Variants in MORC1 observed in about 807,000 individuals in gnomAD.
The protein encoded by MORC1 is MORC family CW-type zinc finger 1, also known as MORC family CW-type zinc finger protein 1.
MORC1 carries 59 observed loss-of-function variants against 134.9 expected under a neutral mutation model. The ratio of observed to expected loss-of-function variants is 0.44; its 90% CI spans 0.35 to 0.54. The LOEUF (loss-of-function observed/expected upper bound fraction) is 0.54, where lower values mean the gene tolerates loss of function less well. MORC1 is among the 20% of genes least tolerant of loss of function. The probability of loss-of-function intolerance (pLI) is 0.00; values close to 1 mark genes in which losing one functional copy is unlikely to be tolerated. For missense variants in MORC1, 947 were observed against 1,134.5 expected, an observed-to-expected ratio of 0.83 and a Z score of 2.37; for synonymous variants, 395 against 391.7, an observed-to-expected ratio of 1.01 and a Z score of -0.10.
In MORC1 at chr3:109,037,159, G is replaced by A. The variant is rs577958289; in HGVS notation, c.1331-1691C>T. Among the ~76,000 whole-genome samples, 4 of 152,264 alleles carry A rather than the reference G, an allele frequency of 2.6e-5. No homozygotes were observed. The East Asian group carries it at 7.7e-4, about 29-fold the overall frequency. On this transcript the variant is annotated intron_variant, in intron 14 of 27. Coordinates refer to ENST00000232603, the MANE Select transcript of MORC1 (RefSeq NM_014429.4). ...TAAGTCCTGGGTCTGGGGGTTAATGGCACAGGGATCCACCATTCTTATCTC... is the reference window on the plus strand; with the variant it reads ...TAAGTCCTGGGTCTGGGGGTTAATGACACAGGGATCCACCATTCTTATCTC...
chr3:108,970,187 C>T (rs6774500), intron 25 of MORC1, among the ~76,000 whole-genome samples: 5,513 of 151,480 alleles, frequency 0.036, 201 homozygotes, highest in Middle Eastern at 0.12. Flanking sequence ...AGAAAGTGGC[C>T]CAGGAATGAG....
intron 14 of MORC1, among the ~76,000 whole-genome samples, chr3:109,052,340 A>G (rs1053556582): frequency 4.6e-5 from 7 of 152,208 alleles, no homozygotes; most frequent in African/African-American, 1.7e-4. Context: ...TCTTCAGAGC[A>G]GTGCTTCTCA....
intron 8 of MORC1, among the ~76,000 whole-genome samples, chr3:109,089,252 G>C (rs1449202487): frequency 6.6e-6 from 1 of 152,112 alleles, no homozygotes; most frequent in Non-Finnish European, 1.5e-5. Context: ...ATCCAATTCA[G>C]TGGCATATCT....
intron 6 of MORC1, among the ~76,000 whole-genome samples, chr3:109,097,087 G>A (rs535840420): frequency 6.6e-6 from 1 of 152,132 alleles, no homozygotes; most frequent in Non-Finnish European, 1.5e-5. Flanking sequence ...CAAGTGACCA[G>A]CACAATGGGT....
At chr3:109,087,868 CA>C (rs1336840182) in intron 8 of MORC1, among the ~76,000 whole-genome samples, 4 of 151,906 alleles carry the variant, frequency 2.6e-5, no homozygotes, top group Non-Finnish European at 5.9e-5. Context: ...GGTACTGGTA[CA>C]AAAACAGACA....
rs1947658836 is a variant in MORC1 at position 108,979,659 on chromosome 3, T to C, written c.2333A>G (p.Asn778Ser). 3.1e-6 allele frequency: 5 copies of C among 1,613,528 alleles called. No individual in the cohort carries two copies. The highest frequency in any genetic ancestry group is 1.7e-5 in the Admixed American group (1 of 59,944). ...TAGATTCACATCTTCCATCGGCACA[T>C]TGAGCAAGCTGAGGTTTGTCATTTC... ...SSLPSWKSLL[N>S]VPMEDVNLSS... Residue 778 changes from asparagine to serine, a missense_variant, in exon 24 of 28, where the codon AAT becomes AGT. Coordinates refer to ENST00000232603, the MANE Select transcript of MORC1 (RefSeq NM_014429.4).
intron 14 of MORC1, among the ~76,000 whole-genome samples, chr3:109,053,125 T>C (rs1471139091): frequency 2.1e-5 from 3 of 141,440 alleles, no homozygotes; most frequent in African/African-American, 2.6e-5. Flanking sequence ...AAAAAAAAAA[T>C]GTTGGTCAGG....
At chr3:109,009,051 T>C (rs185246585) in intron 17 of MORC1, among the ~76,000 whole-genome samples, 1 of 152,294 alleles carries the variant, frequency 6.6e-6, no homozygotes, top group Admixed American at 6.5e-5. Context: ...TTTAGGCTTT[T>C]TGCTTTAATT....
intron 8 of MORC1, among the ~76,000 whole-genome samples, chr3:109,075,452 C>T (rs1342942152): frequency 2.0e-5 from 3 of 152,122 alleles, no homozygotes; most frequent in East Asian, 3.9e-4. Flanking sequence ...ATGTTTAAGT[C>T]TTTAATCCAT....
chr3:109,010,352 T>C (rs897668584), intron 17 of MORC1, among the ~76,000 whole-genome samples: 3 of 152,212 alleles, frequency 2.0e-5, no homozygotes, highest in African/African-American at 7.2e-5. Flanking sequence ...TTATGTTTTA[T>C]TTCATTGTCT....
chr3:109,037,153 T>C (rs1297354662), intron 14 of MORC1, among the ~76,000 whole-genome samples: 1 of 152,062 alleles, frequency 6.6e-6, no homozygotes, highest in Non-Finnish European at 1.5e-5. Context: ...GGTCTGGGGG[T>C]TAATGGCACA....
chr3:109,100,647 A>G (rs1950908094), intron 4 of MORC1, 140 bp from the exon 5 acceptor site: 4 of 663,864 alleles, frequency 6.0e-6, no homozygotes, highest in Non-Finnish European at 2.7e-6. Flanking sequence ...AAGGATTTTC[A>G]TCAGAATCCA....
chr3:109,079,145 TC>T (rs1478880587), intron 8 of MORC1, among the ~76,000 whole-genome samples: 2 of 151,950 alleles, frequency 1.3e-5, no homozygotes, highest in Non-Finnish European at 2.9e-5. Flanking sequence ...TATATACCAA[TC>T]AATACTAAAT....
intron 13 of MORC1, among the ~76,000 whole-genome samples, chr3:109,057,141 G>A (rs1248267269): frequency 6.6e-6 from 1 of 152,152 alleles, no homozygotes; most frequent in African/African-American, 2.4e-5. Context: ...TTCCCAAAGT[G>A]TGCTTTTTCC....
intron 23 of MORC1, among the ~76,000 whole-genome samples, chr3:108,982,505 A>T (rs1947756665): frequency 1.4e-5 from 2 of 146,528 alleles, no homozygotes; most frequent in Non-Finnish European, 3.0e-5. Flanking sequence ...GCATGTTCTC[A>T]CTCATAGGTG....
At chr3:108,966,174 C>G (rs1315765337) in intron 26 of MORC1, among the ~76,000 whole-genome samples, 1 of 152,176 alleles carries the variant, frequency 6.6e-6, no homozygotes, top group Non-Finnish European at 1.5e-5. Flanking sequence ...TAAACCCACT[C>G]TTGTAGAAGT....
At chr3:108,988,351 G>T (rs998038708) in intron 21 of MORC1, among the ~76,000 whole-genome samples, 1 of 151,958 alleles carries the variant, frequency 6.6e-6, no homozygotes, top group Non-Finnish European at 1.5e-5. Context: ...AAAAATTTTT[G>T]TACTTAAACT....
chr3:108,986,135 T>A, intron 22 of MORC1, among the ~76,000 whole-genome samples: 1 of 152,272 alleles, frequency 6.6e-6, no homozygotes, highest in African/African-American at 2.4e-5. Context: ...CTAAGATCTT[T>A]AAAACTTATT....
At chr3:109,028,495 A>T (rs946362238) in intron 16 of MORC1, among the ~76,000 whole-genome samples, 1 of 152,164 alleles carries the variant, frequency 6.6e-6, no homozygotes, top group Non-Finnish European at 1.5e-5. Flanking sequence ...TCTGCTTTCC[A>T]GCCTTACAGA....
Sources: allele counts gnomAD v4.1 joint callset (sites outside exome capture counted in the v4.1 genomes callset), GRCh38; gene constraint gnomAD v4.1.1; transcripts MANE v1.5; gene names NCBI Gene and HGNC (gene_info 2026-07-23, HGNC 2026-07-21).